The following PALLD variants were observed in gnomAD, a reference collection of about 807,000 sequenced individuals.
The protein encoded by PALLD is palladin, cytoskeletal associated protein, also known as palladin.
PALLD carries 61 observed loss-of-function variants against 123.5 expected under a neutral mutation model. The ratio of observed to expected loss-of-function variants is 0.49; its 90% CI spans 0.40 to 0.61. The LOEUF (loss-of-function observed/expected upper bound fraction) is 0.61. Among genes scored for constraint, PALLD ranks in the 20% least tolerant of loss-of-function variants. The pLI, the probability that PALLD is intolerant of heterozygous loss-of-function variation, is 0.00. For synonymous variants in PALLD, 465 were observed against 496.4 expected, an observed-to-expected ratio of 0.94 and a Z score of 0.84; for missense variants, 1,273 against 1,377.0, an observed-to-expected ratio of 0.92 and a Z score of 1.20.
intron 1 of PALLD, among the ~76,000 whole-genome samples, chr4:168,508,584 C>G (rs1457312593): frequency 6.6e-6 from 1 of 152,088 alleles, no homozygotes; most frequent in African/African-American, 2.4e-5. Context: ...TTGGTTGACA[C>G]AAAATGTTTT....
rs1765879112 is a variant in PALLD, at chr4:168,543,828, C to T, written c.908+31416C>T. ...AGTCTTACAAAATTTTAGTTCTCAGCAGAGACATTAGTATCTTTGGGGAAA... is the reference window on the plus strand; with the variant it reads ...AGTCTTACAAAATTTTAGTTCTCAGTAGAGACATTAGTATCTTTGGGGAAA... On this transcript the variant is annotated intron_variant, in intron 2 of 21. Coordinates refer to ENST00000505667, the MANE Select transcript of PALLD (RefSeq NM_001166108.2). Among the ~76,000 whole-genome samples the T allele has an allele frequency of 2.0e-5, 3 of 152,224 alleles. No individual in the cohort carries two copies. In the South Asian group the frequency reaches 6.2e-4, roughly 32 times the overall value.
intron 1 of PALLD, among the ~76,000 whole-genome samples, chr4:168,505,160 A>T (rs1264965710): frequency 1.3e-5 from 2 of 152,166 alleles, no homozygotes; most frequent in Non-Finnish European, 2.9e-5. Context: ...TTTTCCCTAG[A>T]CCACGTGCAT....
intron 17 of PALLD, among the ~76,000 whole-genome samples, chr4:168,920,329 C>T (rs1761192568): frequency 6.6e-6 from 1 of 152,140 alleles, no homozygotes; most frequent in Admixed American, 6.5e-5. Context: ...ATGCTGTAGC[C>T]CTTTGCTACA....
At chr4:168,683,223 A>G in intron 5 of PALLD, 120 bp downstream of exon 5, 3 of 604,304 alleles carry the variant, frequency 5.0e-6, no homozygotes, top group Admixed American at 3.2e-5. Context: ...CTAAGTGGAC[A>G]CAAAATTCAG....
At chr4:168,636,214 C>T (rs1185067673) in intron 2 of PALLD, among the ~76,000 whole-genome samples, 4 of 152,122 alleles carry the variant, frequency 2.6e-5, no homozygotes, top group African/African-American at 9.7e-5. Flanking sequence ...CACGGTGGCT[C>T]ATAAGCATGA....
At chr4:168,879,316 GT>G (rs1362628163) in intron 10 of PALLD, among the ~76,000 whole-genome samples, 4 of 152,204 alleles carry the variant, frequency 2.6e-5, no homozygotes, top group African/African-American at 9.7e-5. Context: ...TGTTAGGCAT[GT>G]TTGGTTGAAG....
intron 17 of PALLD, among the ~76,000 whole-genome samples, chr4:168,919,613 A>G (rs1204175570): frequency 1.3e-5 from 2 of 152,130 alleles, no homozygotes; most frequent in African/African-American, 4.8e-5. Flanking sequence ...GAAAGGGGAA[A>G]AAATCCTGAC....
At chr4:168,558,523 C>A (rs1261532301) in intron 2 of PALLD, among the ~76,000 whole-genome samples, 2 of 152,220 alleles carry the variant, frequency 1.3e-5, no homozygotes, top group Non-Finnish European at 2.9e-5. Context: ...GCAGCTCTCT[C>A]CAAGTGAGTC....
At chr4:168,666,067 A>G (rs1456203061) in intron 2 of PALLD, among the ~76,000 whole-genome samples, 2 of 152,172 alleles carry the variant, frequency 1.3e-5, no homozygotes, top group Non-Finnish European at 2.9e-5. Context: ...CAAACCCTTA[A>G]AAGTATAAAA....
At chr4:168,836,139 A>G (rs1021710336) in intron 10 of PALLD, among the ~76,000 whole-genome samples, 3 of 152,130 alleles carry the variant, frequency 2.0e-5, no homozygotes, top group Non-Finnish European at 4.4e-5. Context: ...TTCCTTGTGT[A>G]TTTTGGATAA....
chr4:168,792,267 C>T (rs1432004072), intron 10 of PALLD, among the ~76,000 whole-genome samples: 14 of 152,028 alleles, frequency 9.2e-5, no homozygotes, highest in African/African-American at 1.2e-4. Context: ...CAGAGGCTGA[C>T]TCCCAAAAGT....
intron 10 of PALLD, chr4:168,755,849 A>G: frequency 5.4e-6 from 1 of 184,476 alleles, no homozygotes; most frequent in Non-Finnish European, 1.1e-5. Flanking sequence ...GACTGTCCAC[A>G]TTCCAGAAAA....
chr4:168,891,165 T>C (rs948243947), intron 11 of PALLD, 108 bp downstream of exon 11: 126 of 1,046,758 alleles, frequency 1.2e-4, no homozygotes, highest in South Asian at 3.4e-4. Flanking sequence ...TCATCATTAT[T>C]ATTATTATTA....
chr4:168,674,631 C>A (rs977696994), intron 3 of PALLD, among the ~76,000 whole-genome samples: 1 of 152,154 alleles, frequency 6.6e-6, no homozygotes, highest in Non-Finnish European at 1.5e-5. Context: ...GAGAAAACCA[C>A]TGGGGTCAGC....
intron 3 of PALLD, among the ~76,000 whole-genome samples, chr4:168,668,628 A>G (rs1029999773): frequency 5.3e-5 from 8 of 152,234 alleles, no homozygotes; most frequent in Admixed American, 4.6e-4. Context: ...AATGTAAGGT[A>G]TCCAAATTAT....
intron 17 of PALLD, among the ~76,000 whole-genome samples, chr4:168,918,192 A>C (rs1327561555): frequency 6.8e-6 from 1 of 146,806 alleles, no homozygotes; most frequent in Non-Finnish European, 1.5e-5. Flanking sequence ...CTCCCCCACA[A>C]AAAAAAAAAA....
At chr4:168,725,827 G>T (rs1786527855) in intron 10 of PALLD, among the ~76,000 whole-genome samples, 1 of 152,160 alleles carries the variant, frequency 6.6e-6, no homozygotes, top group South Asian at 2.1e-4. Flanking sequence ...CACCCAGCCT[G>T]TTCTCTTTAA....
chr4:168,659,466 G>A (rs1050014051), intron 2 of PALLD, among the ~76,000 whole-genome samples: 10 of 152,174 alleles, frequency 6.6e-5, no homozygotes, highest in Non-Finnish European at 1.2e-4. Context: ...GAAATCACCC[G>A]TGACATCCCT....
At chr4:168,542,080 A>AAC (rs1280925588) in intron 2 of PALLD, among the ~76,000 whole-genome samples, 1 of 152,188 alleles carries the variant, frequency 6.6e-6, no homozygotes, top group Non-Finnish European at 1.5e-5. Flanking sequence ...CATCATCACA[A>AAC]ACACACACAT....
Sources: allele counts gnomAD v4.1 joint callset (sites outside exome capture counted in the v4.1 genomes callset), GRCh38; gene constraint gnomAD v4.1.1; transcripts MANE v1.5; gene names NCBI Gene and HGNC (gene_info 2026-07-23, HGNC 2026-07-21).